The following KIF18A variants were observed in gnomAD, a reference collection of about 807,000 sequenced individuals.
The protein encoded by KIF18A is kinesin-like protein KIF18A.
A neutral mutation model predicts 103.3 loss-of-function variants in KIF18A; 67 were observed. That is an observed-to-expected ratio of 0.65 (90% CI 0.53 to 0.79). The LOEUF (loss-of-function observed/expected upper bound fraction) is 0.79. KIF18A is among the 30% of genes least tolerant of loss of function. The pLI is 0.00. For synonymous variants in KIF18A, 367 were observed against 355.5 expected (o/e 1.03, Z -0.36); for missense variants, 1,032 against 1,062.5 (o/e 0.97, Z 0.40).
rs755878434 is a variant in KIF18A, at chr11:28,082,879, G to A, written c.1239C>T (p.Asn413=). The change falls in exon 9 of 17, where the codon AAC becomes AAT. Residue 413 remains asparagine (N), a synonymous_variant. Transcript: ENST00000263181. ...ENDQAKLMIS[N]PQEKEIERFQ... is the part of the protein sequence containing the mutation. ...ACCTTTCGATTTCTTTTTCCTGAGG[G>A]TTTGAAATCATTAACTTTGCTTGGT... 4.4e-6 allele frequency: 7 copies of A among 1,596,840 alleles called. No individual in the cohort carries two copies. In the Admixed American group the frequency reaches 1.2e-4, roughly 27 times the overall value.
chr11:28,101,799 G>T (rs1352020303), intron 1 of KIF18A, among the ~76,000 whole-genome samples: 1 of 152,002 alleles, frequency 6.6e-6, no homozygotes, highest in Non-Finnish European at 1.5e-5. Flanking sequence ...TATAATGAGG[G>T]GATTATTTAA....
chr11:28,037,326 T>C (rs755990999), intron 13 of KIF18A, among the ~76,000 whole-genome samples: 127 of 151,582 alleles, frequency 8.4e-4, no homozygotes, highest in Non-Finnish European at 1.5e-3. Context: ...TCTGCATCTG[T>C]GGATTCAACC....
Position 28,062,511 on chromosome 11 carries a change from G to A in KIF18A, c.1596C>T (p.Leu532=). 1 of 1,609,752 alleles carries A rather than the reference G, an allele frequency of 6.2e-7. No individual in the cohort carries two copies. Among genetic ancestry groups the A allele is most frequent in the Non-Finnish European group, 8.5e-7 (1 of 1,177,582 alleles). ...LSQNGHIPKE[L]KKDLHCHHLH... is the part of the protein sequence containing the mutation. The stretch of plus-strand genomic sequence containing the variant: ...AATGGTGACAATGAAGATCTTTCTT[G>A]AGTTCCTAGGGCAAACAATACAAAA... The change falls in exon 12 of 17, where the codon CTC becomes CTT. Residue 532 remains leucine (L), a synonymous_variant. Coordinates refer to ENST00000263181, the MANE Select transcript of KIF18A (RefSeq NM_031217.4).
chr11:28,086,237 T>C (rs1590705047), intron 6 of KIF18A, among the ~76,000 whole-genome samples: 1 of 152,278 alleles, frequency 6.6e-6, no homozygotes, highest in South Asian at 2.1e-4. Context: ...CCTATACAAA[T>C]ATACTAGAGG....
Position 28,090,607 on chromosome 11 carries a change from G to A in KIF18A, c.699+10C>T, listed in dbSNP as rs773596989. 2.3e-6 allele frequency: 3 copies of A among 1,332,740 alleles called. No homozygotes were observed. Among genetic ancestry groups the A allele is most frequent in the Non-Finnish European group, 3.2e-6 (3 of 927,116 alleles). 82.6% of individuals were successfully genotyped at this position (1,332,740 alleles called of 1,614,324 possible). On this transcript the variant is annotated intron_variant, in intron 5 of 16. Coordinates refer to ENST00000263181, the MANE Select transcript of KIF18A (RefSeq NM_031217.4). ...CCAATTTTAAGAGTGATAGTCTAGT[G>A]GCCTCTTACTTGGAAAACAGCATGA...
At chr11:28,077,272 C>T (rs1851106121) in intron 9 of KIF18A, 103 bp from the exon 10 acceptor site, 3 of 681,562 alleles carry the variant, frequency 4.4e-6, no homozygotes, top group Non-Finnish European at 4.7e-6. Flanking sequence ...ATGTAATTCA[C>T]AGAACTACAC....
intron 1 of KIF18A, among the ~76,000 whole-genome samples, chr11:28,105,992 G>GT (rs1851499263): frequency 6.6e-6 from 1 of 152,136 alleles, no homozygotes; most frequent in Non-Finnish European, 1.5e-5. Context: ...CCAAGATGAC[G>GT]TAACAAGTGG....
At chr11:28,095,650 T>A (rs1367331974) in intron 2 of KIF18A, among the ~76,000 whole-genome samples, 4 of 152,168 alleles carry the variant, frequency 2.6e-5, no homozygotes, top group African/African-American at 7.2e-5. Context: ...TTTAGGTGAA[T>A]TACTTTGTTT....
chr11:28,025,293 A>C, intron 15 of KIF18A, among the ~76,000 whole-genome samples: 1 of 152,078 alleles, frequency 6.6e-6, no homozygotes, highest in East Asian at 1.9e-4. Flanking sequence ...AATTACTATG[A>C]TTCTGTTTTG....
intron 9 of KIF18A, among the ~76,000 whole-genome samples, chr11:28,077,647 G>A (rs968758689): frequency 6.6e-6 from 1 of 152,112 alleles, no homozygotes; most frequent in African/African-American, 2.4e-5. Context: ...ATAATCATAT[G>A]GTGCCTCCAT....
chr11:28,066,706 AT>A (rs1400033827), intron 11 of KIF18A, among the ~76,000 whole-genome samples: 3 of 151,116 alleles, frequency 2.0e-5, no homozygotes, highest in Non-Finnish European at 4.4e-5. Context: ...CTGGAAGAAA[AT>A]CTACACAGCT....
At chr11:28,085,616 T>G (rs1177711278) in intron 6 of KIF18A, among the ~76,000 whole-genome samples, 2 of 152,266 alleles carry the variant, frequency 1.3e-5, no homozygotes, top group East Asian at 3.9e-4. Flanking sequence ...TGCCTCACCT[T>G]GTCAATCACT....
intron 12 of KIF18A, among the ~76,000 whole-genome samples, chr11:28,061,453 TA>T (rs1240659596): frequency 6.6e-6 from 1 of 152,128 alleles, no homozygotes; most frequent in Non-Finnish European, 1.5e-5. Flanking sequence ...TAAGATAGTA[TA>T]TTCATCTGGG....
At chr11:28,088,957 A>T (rs909222180) in intron 5 of KIF18A, among the ~76,000 whole-genome samples, 8 of 152,204 alleles carry the variant, frequency 5.3e-5, no homozygotes, top group African/African-American at 1.9e-4. Context: ...TCTTGACTTG[A>T]TAGAAGATCA....
chr11:28,049,957 C>T (rs1464173763), intron 13 of KIF18A, among the ~76,000 whole-genome samples: 1 of 151,776 alleles, frequency 6.6e-6, no homozygotes, highest in Non-Finnish European at 1.5e-5. Flanking sequence ...ATTAACCAAA[C>T]TAATAAACAT....
At chr11:28,040,022 T>G (rs527858071) in intron 13 of KIF18A, among the ~76,000 whole-genome samples, 1 of 151,668 alleles carries the variant, frequency 6.6e-6, no homozygotes. Context: ...AAACAAAATT[T>G]AAAGGTTTAA....
chr11:28,059,655 CACTT>C (rs1275271365), intron 12 of KIF18A, among the ~76,000 whole-genome samples: 3 of 151,968 alleles, frequency 2.0e-5, no homozygotes, highest in East Asian at 3.9e-4. Context: ...TGGTCTCAAA[CACTT>C]AGCCTCAAGA....
chr11:28,039,410 A>G (rs10767690), intron 13 of KIF18A, among the ~76,000 whole-genome samples: 13,233 of 151,734 alleles, frequency 0.087, 1,031 homozygotes, highest in East Asian at 0.36. Context: ...GCAAATGCAG[A>G]CCTTATAATA....
In KIF18A at chr11:28,041,756, A is replaced by T. The variant is rs1317861341; in HGVS notation, c.1949-5092T>A. On this transcript the variant is annotated intron_variant, in intron 13 of 16. Coordinates refer to ENST00000263181, the MANE Select transcript of KIF18A (RefSeq NM_031217.4). ...TGACAGCTTGGGTAAGAGTGGTAGGAGCAGTGATGGAGAGATGTGAGAAGG... is the reference window on the plus strand; with the variant it reads ...TGACAGCTTGGGTAAGAGTGGTAGGTGCAGTGATGGAGAGATGTGAGAAGG... 2.0e-5 allele frequency among the ~76,000 whole-genome samples: 3 copies of T among 151,854 alleles called. No individual in the cohort carries two copies. The East Asian group carries it at 5.8e-4, about 29-fold the overall frequency.
Sources: allele counts gnomAD v4.1 joint callset (sites outside exome capture counted in the v4.1 genomes callset), GRCh38; gene constraint gnomAD v4.1.1; transcripts MANE v1.5; gene names NCBI Gene and HGNC (gene_info 2026-07-23, HGNC 2026-07-21).